ERICH1: variants seen among roughly 807,000 people sequenced by gnomAD.
The protein encoded by ERICH1 is glutamate rich 1.
In ERICH1, 56 loss-of-function variants were observed where a neutral mutation model predicts 39.6. The ratio of observed to expected loss-of-function variants is 1.41; its 90% confidence interval spans 1.14 to 1.77. The LOEUF (loss-of-function observed/expected upper bound fraction) is 1.77, where lower values mean the gene tolerates loss of function less well. Among genes scored for constraint, ERICH1 ranks in the 40% most tolerant of loss-of-function variants. The pLI, the probability that ERICH1 is intolerant of heterozygous loss-of-function variation, is 0.00. For missense variants in ERICH1, 826 were observed against 575.4 expected (o/e 1.44, Z -4.45); for synonymous variants, 313 against 223.6 (o/e 1.40, Z -3.57).
intron 3 of ERICH1, among the ~76,000 whole-genome samples, chr8:644,174 C>A (rs1799337346): frequency 6.6e-6 from 1 of 152,090 alleles, no homozygotes; most frequent in Non-Finnish European, 1.5e-5. Context: ...AAGGCAAGTG[C>A]CTGGCCTCCT....
chr8:691,484 A>G (rs894848270), intron 3 of ERICH1, among the ~76,000 whole-genome samples: 1 of 152,264 alleles, frequency 6.6e-6, no homozygotes, highest in African/African-American at 2.4e-5. Context: ...CCAACCGCGG[A>G]CAACAGGAAG....
At chr8:707,208 CTT>C (rs71528615) in intron 2 of ERICH1, among the ~76,000 whole-genome samples, 69 of 136,380 alleles carry the variant, frequency 5.1e-4, no homozygotes, top group East Asian at 4.2e-3. Flanking sequence ...TTTTTTGTTT[CTT>C]TTTTTTTTTT....
intron 3 of ERICH1, among the ~76,000 whole-genome samples, chr8:624,886 C>G (rs980312171): frequency 6.6e-6 from 1 of 152,052 alleles, no homozygotes; most frequent in Admixed American, 6.6e-5. Context: ...GCCACCATGC[C>G]TGGCTAATTT....
intron 3 of ERICH1, among the ~76,000 whole-genome samples, chr8:643,323 G>A (rs917568048): frequency 5.3e-5 from 8 of 152,224 alleles, no homozygotes; most frequent in African/African-American, 1.7e-4. Context: ...CTGGCCAGGC[G>A]CAGGCTGCGG....
intron 3 of ERICH1, among the ~76,000 whole-genome samples, chr8:639,015 C>A (rs1033761038): frequency 6.6e-6 from 1 of 152,142 alleles, no homozygotes; most frequent in East Asian, 1.9e-4. Flanking sequence ...CCCACCTGCC[C>A]ACAACACTGC....
At position 665,389 on chromosome 8, in the gene ERICH1, G is replaced by A. The variant is rs116334115; in HGVS notation, c.1259-713C>T. 3.6e-3 allele frequency among the ~76,000 whole-genome samples: 555 copies of A among 152,290 alleles called. 4 individuals are homozygous for A. The highest frequency in any genetic ancestry group is 0.013 in the African/African-American group (524 of 41,568). ...GCTGCCAGTGAAGGCCCTCCCCAAG[G>A]TCAGGTTTTACAACTTGTCCGGGCA... is the stretch of plus-strand genomic sequence containing the variant. On this transcript the variant is annotated intron_variant, in intron 5 of 5. Transcript: ENST00000262109.
intron 2 of ERICH1, among the ~76,000 whole-genome samples, chr8:715,085 C>T (rs1286741295): frequency 4.0e-5 from 6 of 151,760 alleles, no homozygotes; most frequent in Admixed American, 6.6e-5. Context: ...GGTCTATTCC[C>T]GTGTCTCTCA....
At chr8:648,502 C>CAAAA (rs531723403) in intron 3 of ERICH1, among the ~76,000 whole-genome samples, 20 of 13,728 alleles carry the variant, frequency 1.5e-3, no homozygotes, top group Non-Finnish European at 2.6e-3. Flanking sequence ...AAAGAAAAAG[C>CAAAA]AAAAAAAAAA....
At chr8:695,805 G>A (rs112783472) in intron 2 of ERICH1, among the ~76,000 whole-genome samples, 14 of 131,410 alleles carry the variant, frequency 1.1e-4, no homozygotes, top group Admixed American at 2.3e-4. Context: ...CACCTGTGCT[G>A]GCTCCTCTCA....
intron 2 of ERICH1, among the ~76,000 whole-genome samples, chr8:711,452 T>G: frequency 6.6e-6 from 1 of 152,090 alleles, no homozygotes; most frequent in East Asian, 1.9e-4. Context: ...GCCTCCCAAG[T>G]AATCTTCTAA....
chr8:700,267 G>T lies in ERICH1; in HGVS notation c.170-7655C>A, dbSNP rs567483654. Among the ~76,000 whole-genome samples, 104 of 81,286 alleles carry T rather than the reference G, an allele frequency of 1.3e-3. 21 individuals carry two copies. The highest frequency in any genetic ancestry group is 2.2e-3 in the Non-Finnish European group (79 of 35,810). The allele number at this position is 81,286 out of a possible 152,430, so 53.3% of individuals were successfully genotyped here. ...CAGGCCCGCACACGCGCACAGGCCC[G>T]CACAGGCGCACAGACCCGCACAGGC... On this transcript the variant is annotated intron_variant, in intron 2 of 5. Coordinates refer to ENST00000262109, the MANE Select transcript of ERICH1 (RefSeq NM_207332.3).
downstream of ERICH1, among the ~76,000 whole-genome samples, chr8:660,334 G>C (rs914290877): frequency 6.6e-6 from 1 of 152,240 alleles, no homozygotes; most frequent in Non-Finnish European, 1.5e-5. Flanking sequence ...GCCTGATGGA[G>C]TCAAATGACA....
At position 639,587 on chromosome 8, in the gene ERICH1, C is replaced by T. The variant is rs57227885; in HGVS notation, c.977-24303G>A. Among the ~76,000 whole-genome samples, 97 of 144,568 alleles carry T rather than the reference C, an allele frequency of 6.7e-4. 3 individuals are homozygous for T. Among genetic ancestry groups the T allele is most frequent in the Middle Eastern group, 3.5e-3 (1 of 286 alleles). 94.8% of individuals were successfully genotyped at this position (144,568 alleles called of 152,430 possible). On this transcript the variant is annotated intron_variant, in intron 3 of 3. Transcript: ENST00000522706. ...CAGCCGCCAACCCAGTTAGCAGACA[C>T]GACCAAGCACCCTGGATTCAGAGGC... is the stretch of plus-strand genomic sequence containing the variant.
chr8:664,076 A>G (rs1447017325), downstream of ERICH1: 1 of 276,400 alleles, frequency 3.6e-6, no homozygotes, highest in African/African-American at 2.3e-5. Flanking sequence ...TGCTTTTAAC[A>G]CTTAGTAATA....
At chr8:636,685 A>G (rs1355035408) in intron 3 of ERICH1, among the ~76,000 whole-genome samples, 1 of 152,248 alleles carries the variant, frequency 6.6e-6, no homozygotes, top group Non-Finnish European at 1.5e-5. Context: ...TCGCTGCTGC[A>G]GTGGCTGTGC....
At chr8:642,222 C>T (rs1202689008) in intron 3 of ERICH1, among the ~76,000 whole-genome samples, 2 of 152,142 alleles carry the variant, frequency 1.3e-5, no homozygotes, top group African/African-American at 4.8e-5. Flanking sequence ...TGGTGTCCAT[C>T]AGGGCCCACA....
chr8:673,591 C>A lies in ERICH1; in HGVS notation c.761G>T (p.Ser254Ile). 1.3e-6 allele frequency: 2 copies of A among 1,549,580 alleles called. No homozygotes were observed. Among genetic ancestry groups the A allele is most frequent in the Non-Finnish European group, 1.8e-6 (2 of 1,128,428 alleles). ...RARQEEGADA[S>I]EEDPTPAGEE... ...CCCGGCCGGTGTCGGATCTTCCTCA[C>A]TGGCGTCCGCACCCTCTTCCTGCCT... The change falls in exon 4 of 6, where the codon AGT (serine) becomes ATT (isoleucine). Residue 254 changes from serine (S) to isoleucine (I), a missense_variant. Ser to Ile is a moderately radical substitution (Grantham distance 142, BLOSUM62 -2). Coordinates refer to ENST00000262109, the MANE Select transcript of ERICH1 (RefSeq NM_207332.3).
At chr8:625,408 G>A (rs1012447981) in intron 3 of ERICH1, among the ~76,000 whole-genome samples, 4 of 152,150 alleles carry the variant, frequency 2.6e-5, no homozygotes, top group Non-Finnish European at 5.9e-5. Context: ...TACAGGACAC[G>A]TCCACAGAAG....
intron 3 of ERICH1, among the ~76,000 whole-genome samples, chr8:659,084 C>CA (rs1563198391): frequency 3.0e-5 from 1 of 32,910 alleles, no homozygotes; most frequent in Non-Finnish European, 5.7e-5. Flanking sequence ...TCGAGATCTC[C>CA]GGTGTGCACT....
Sources: gnomAD v4.1 joint callset for allele counts (sites outside exome capture counted in the v4.1 genomes callset) on GRCh38, gnomAD v4.1.1 for gene constraint, MANE v1.5 for transcripts, NCBI Gene and HGNC (gene_info 2026-07-23, HGNC 2026-07-21) for gene names.